Variants in DLGAP1 observed in about 807,000 individuals in gnomAD.
The protein encoded by DLGAP1 is DLG associated protein 1.
Under a neutral mutation model 90.8 loss-of-function variants are expected in DLGAP1, and 11 were observed. The ratio of observed to expected loss-of-function variants is 0.12; its 90% confidence interval spans 0.08 to 0.20. The LOEUF is 0.20. DLGAP1 is among the 10% of genes least tolerant of loss of function. The pLI, the probability that DLGAP1 is intolerant of heterozygous loss-of-function variation, is 1.00. For missense variants in DLGAP1, 1,050 were observed against 1,333.8 expected, an observed-to-expected ratio of 0.79 and a Z score of 3.31; for synonymous variants, 558 against 540.7, an observed-to-expected ratio of 1.03 and a Z score of -0.44.
At chr18:3,719,262 C>T (rs1177717324) in intron 7 of DLGAP1, among the ~76,000 whole-genome samples, 2 of 151,940 alleles carry the variant, frequency 1.3e-5, no homozygotes, top group Middle Eastern at 3.4e-3. Context: ...GAAATCTACA[C>T]GTGATAAAAT....
chr18:4,113,057 T>G (rs897359945), intron 2 of DLGAP1, among the ~76,000 whole-genome samples: 8 of 142,776 alleles, frequency 5.6e-5, no homozygotes, highest in Non-Finnish European at 9.1e-5. Flanking sequence ...TTGTAAATAG[T>G]GTTGTGATGA....
At chr18:4,223,330 T>C (rs2078117378) in intron 1 of DLGAP1, among the ~76,000 whole-genome samples, 1 of 152,202 alleles carries the variant, frequency 6.6e-6, no homozygotes, top group African/African-American at 2.4e-5. Context: ...CCTAGTTCAC[T>C]GTTTCTTATA....
intron 2 of DLGAP1, among the ~76,000 whole-genome samples, chr18:4,060,694 C>A (rs1280332377): frequency 1.3e-5 from 2 of 151,962 alleles, no homozygotes; most frequent in African/African-American, 2.4e-5. Flanking sequence ...TTATCTCATT[C>A]AAAAGTTATC....
intron 2 of DLGAP1, among the ~76,000 whole-genome samples, chr18:4,116,553 T>C (rs2076067326): frequency 6.6e-6 from 1 of 152,132 alleles, no homozygotes; most frequent in African/African-American, 2.4e-5. Context: ...TTCTTTTTTT[T>C]CTCTTTTGGA....
intron 1 of DLGAP1, among the ~76,000 whole-genome samples, chr18:4,179,525 A>G (rs573340333): frequency 6.6e-6 from 1 of 152,308 alleles, no homozygotes; most frequent in Admixed American, 6.5e-5. Context: ...TAAGTGTCTT[A>G]CATTAATTAT....
intron 1 of DLGAP1, among the ~76,000 whole-genome samples, chr18:4,365,954 T>G (rs80135486): frequency 0.016 from 2,388 of 152,240 alleles, 51 homozygotes; most frequent in African/African-American, 0.052. Flanking sequence ...AAACTTGTCT[T>G]GTCTCACCTC....
At chr18:4,001,318 T>C (rs1466991024) in intron 3 of DLGAP1, among the ~76,000 whole-genome samples, 1 of 151,758 alleles carries the variant, frequency 6.6e-6, no homozygotes, top group Non-Finnish European at 1.5e-5. Context: ...TATGCTGTTC[T>C]TTAAAAGCTG....
At position 4,369,843 on chromosome 18, in the gene DLGAP1, G is replaced by C. The variant is rs539814898; in HGVS notation, c.-267+85163C>G. On this transcript the variant is annotated intron_variant, in intron 1 of 12. Transcript: ENST00000315677. The stretch of plus-strand genomic sequence containing the variant: ...AAAAAAAAAAAAAAAAAAAAAAGGC[G>C]GGGGGAAGAAAAGTGATCTGGGTGA... Among the ~76,000 whole-genome samples the C allele has an allele frequency of 1.7e-3, 252 of 150,336 alleles. 3 individuals carry two copies. The highest frequency in any genetic ancestry group is 0.01 in the Admixed American group (154 of 15,074).
intron 1 of DLGAP1, among the ~76,000 whole-genome samples, chr18:4,261,525 G>C (rs1662118953): frequency 6.6e-6 from 1 of 152,056 alleles, no homozygotes; most frequent in African/African-American, 2.4e-5. Context: ...TTAAGACTCA[G>C]CTCAAACTTA....
intron 7 of DLGAP1, among the ~76,000 whole-genome samples, chr18:3,689,163 A>G (rs1208821171): frequency 1.3e-5 from 2 of 152,202 alleles, no homozygotes; most frequent in Non-Finnish European, 2.9e-5. Flanking sequence ...TGTATTATTT[A>G]TTGTATTACT....
chr18:4,408,314 T>C (rs1022003120), intron 1 of DLGAP1, among the ~76,000 whole-genome samples: 1 of 152,072 alleles, frequency 6.6e-6, no homozygotes, highest in African/African-American at 2.4e-5. Context: ...ATGCCAGCCA[T>C]AGAAAATACC....
chr18:4,283,682 C>T (rs531055374), intron 1 of DLGAP1, among the ~76,000 whole-genome samples: 58 of 152,186 alleles, frequency 3.8e-4, no homozygotes, highest in Admixed American at 7.2e-4. Context: ...GGATAAAGAC[C>T]TTTTCTTGAG....
chr18:3,523,610 G>A (rs1451395474), intron 10 of DLGAP1, among the ~76,000 whole-genome samples: 4 of 152,034 alleles, frequency 2.6e-5, no homozygotes, highest in South Asian at 2.1e-4. Context: ...CACTTTGGGA[G>A]GCCAAGGAGG....
Position 4,383,258 on chromosome 18 carries a change from C to T in DLGAP1, c.-267+71748G>A, listed in dbSNP as rs2082166601. 6.6e-6 allele frequency among the ~76,000 whole-genome samples: 1 copy of T among 152,132 alleles called. No homozygotes were observed. Among genetic ancestry groups the T allele is most frequent in the Admixed American group, 6.6e-5 (1 of 15,258 alleles). On this transcript the variant is annotated intron_variant, in intron 1 of 12. Coordinates refer to ENST00000315677, the MANE Select transcript of DLGAP1 (RefSeq NM_004746.4). This position sits in a 1 kb window ranked among gnomAD's most constrained non-coding sequence, Gnocchi z 4.0. ...ATTCATCTAACTGAAAGGTCATTAT[C>T]TCTAGAACTTTAACTTTTAAAATTC...
intron 9 of DLGAP1, among the ~76,000 whole-genome samples, chr18:3,566,836 GTTCTA>G (rs2054452580): frequency 6.6e-5 from 10 of 151,750 alleles, no homozygotes; most frequent in African/African-American, 2.4e-5. Context: ...ATAAAACATG[GTTCTA>G]CCCACCAAGA....
chr18:3,571,674 C>T (rs529548331), intron 8 of DLGAP1, among the ~76,000 whole-genome samples: 90 of 151,676 alleles, frequency 5.9e-4, no homozygotes, highest in African/African-American at 2.1e-3. Flanking sequence ...ACTGCAGGCG[C>T]GTCCACCATG....
At chr18:3,796,631 T>C (rs1485938066) in intron 5 of DLGAP1, among the ~76,000 whole-genome samples, 1 of 152,168 alleles carries the variant, frequency 6.6e-6, no homozygotes, top group East Asian at 1.9e-4. Context: ...TCCACGAATA[T>C]GCTCTAGACC....
chr18:3,710,164 G>A (rs2061556197), intron 7 of DLGAP1, among the ~76,000 whole-genome samples: 1 of 152,124 alleles, frequency 6.6e-6, no homozygotes, highest in Non-Finnish European at 1.5e-5. Flanking sequence ...ATACCCAATG[G>A]TCTTTCATTT....
At chr18:4,369,175 A>C (rs1387821438) in intron 1 of DLGAP1, among the ~76,000 whole-genome samples, 2 of 152,234 alleles carry the variant, frequency 1.3e-5, no homozygotes, top group Admixed American at 1.3e-4. Context: ...TTCAGTTGAA[A>C]TAACTTTTCC....
Sources: allele counts gnomAD v4.1 joint callset (sites outside exome capture counted in the v4.1 genomes callset), GRCh38; gene constraint gnomAD v4.1.1; non-coding constraint Gnocchi (gnomAD v3.1); transcripts MANE v1.5; gene names NCBI Gene and HGNC (gene_info 2026-07-23, HGNC 2026-07-21).